CPB1: variants seen among roughly 807,000 people sequenced by gnomAD.
The protein encoded by CPB1 is carboxypeptidase B1.
In CPB1, 53 loss-of-function variants were observed where a neutral mutation model predicts 51.4. That is an observed-to-expected ratio of 1.03 (90% CI 0.83 to 1.30). The LOEUF (loss-of-function observed/expected upper bound fraction) is 1.30, where lower values mean the gene tolerates loss of function less well. Ranked by LOEUF, CPB1 falls within the 50% of genes most tolerant of loss-of-function variation. CPB1 has a pLI of 0.00. For missense variants in CPB1, 494 were observed against 516.2 expected (o/e 0.96, Z 0.42); for synonymous variants, 189 against 186.9 (o/e 1.01, Z -0.09).
intron 6 of CPB1, among the ~76,000 whole-genome samples, chr3:148,844,079 C>T (rs150827061): frequency 6.4e-4 from 97 of 152,274 alleles, no homozygotes; most frequent in Non-Finnish European, 1.2e-3. Flanking sequence ...TCCACAGACA[C>T]GTCTTACTTA....
chr3:148,831,661 C>A (rs1712741660), intron 2 of CPB1, among the ~76,000 whole-genome samples: 1 of 152,104 alleles, frequency 6.6e-6, no homozygotes, highest in South Asian at 2.1e-4. Flanking sequence ...ATAATGCTAT[C>A]ATTTAAAGAT....
rs1170513505 is a variant in CPB1 at position 148,857,308 on chromosome 3, T to C, written c.982-149T>C. ...ACTTGGATCATATCACTAGGTTAAG[T>C]AGAAAAATGAAAATGGGTCCTGAAT... On this transcript the variant is annotated intron_variant, in intron 9 of 10. Coordinates refer to ENST00000282957, the MANE Select transcript of CPB1 (RefSeq NM_001871.3). 5 of 592,428 alleles carry C rather than the reference T, an allele frequency of 8.4e-6. No homozygotes were observed. The Admixed American group carries it at 9.0e-5, about 11-fold the overall frequency. 36.7% of individuals were successfully genotyped at this position (592,428 alleles called of 1,614,324 possible).
chr3:148,839,037 G>T (rs1434022644), intron 3 of CPB1, among the ~76,000 whole-genome samples: 1 of 152,080 alleles, frequency 6.6e-6, no homozygotes, highest in African/African-American at 2.4e-5. Context: ...AGGAATTTAG[G>T]TTATAGATGG....
intron 2 of CPB1, 43 bp from the exon 3 acceptor site, chr3:148,834,455 C>G: frequency 6.4e-7 from 1 of 1,567,598 alleles, no homozygotes; most frequent in Non-Finnish European, 8.8e-7. Flanking sequence ...TATCCTTCAT[C>G]CATTGAATTA....
At chr3:148,844,351 A>T in intron 6 of CPB1, 127 bp from the exon 7 acceptor site, 1 of 599,008 alleles carries the variant, frequency 1.7e-6, no homozygotes, top group Non-Finnish European at 2.9e-6. Flanking sequence ...TTTAAATATT[A>T]ATATTGTCCA....
At chr3:148,857,692 A>AAC in intron 10 of CPB1, 151 bp downstream of exon 10, 4 of 508,660 alleles carry the variant, frequency 7.9e-6, no homozygotes, top group African/African-American at 1.9e-5. Flanking sequence ...TTCTGTTCAA[A>AAC]AAAAAAAAAA....
At chr3:148,851,295 A>G (rs1989727) in intron 9 of CPB1, 1 of 140,088 alleles carries the variant, frequency 7.1e-6, no homozygotes, top group Non-Finnish European at 1.5e-5. Context: ...AGATCATGCC[A>G]CTGCACTCCA....
At position 148,836,706 on chromosome 3, in the gene CPB1, G is replaced by A. The variant is rs1712916325; in HGVS notation, c.272+2084G>A. Among the ~76,000 whole-genome samples the A allele has an allele frequency of 2.0e-5, 3 of 152,212 alleles. No individual in the cohort carries two copies. In the South Asian group the frequency reaches 6.2e-4, roughly 32 times the overall value. On this transcript the variant is annotated intron_variant, in intron 3 of 10. Transcript: ENST00000282957. ...CTGTTCACTGCTTAGCACATTTGTAGCATATAATTTTCTAAATATTAAATA... is the reference window on the plus strand; with the variant it reads ...CTGTTCACTGCTTAGCACATTTGTAACATATAATTTTCTAAATATTAAATA...
intron 10 of CPB1, 49 bp from the exon 11 acceptor site, chr3:148,859,766 C>T (rs1713694934): frequency 1.3e-6 from 2 of 1,519,924 alleles, no homozygotes; most frequent in Admixed American, 2.0e-5. Flanking sequence ...TTTTTTAAAG[C>T]TCCTTCCTAG....
At chr3:148,857,420 T>G in intron 9 of CPB1, 37 bp from the exon 10 acceptor site, 1 of 1,527,502 alleles carries the variant, frequency 6.5e-7, no homozygotes, top group Non-Finnish European at 9.1e-7. Context: ...CAGTGTGCTT[T>G]TATTTATTTC....
At chr3:148,844,442 T>C in intron 6 of CPB1, 36 bp from the exon 7 acceptor site, 2 of 1,505,724 alleles carry the variant, frequency 1.3e-6, no homozygotes, top group Non-Finnish European at 1.8e-6. Flanking sequence ...ATAATTCCAT[T>C]TTTCCATGAA....
Position 148,859,812 on chromosome 3 carries a change from CA to C in CPB1, c.1067-2del. 6.2e-7 allele frequency: 1 copy of C among 1,611,042 alleles called. No individual in the cohort carries two copies. The highest frequency in any genetic ancestry group is 1.1e-5 in the South Asian group (1 of 90,484). On this transcript the variant is annotated splice_acceptor_variant, in intron 10 of 10. Transcript: ENST00000282957. LOFTEE classifies it high-confidence loss of function. Reference sequence around the variant, plus strand: ...TTTTTTCACTGCTGTTTGCACATTTCAGATCCTGCTGCTGGGGGCTCTGACG... The same window carrying C: ...TTTTTTCACTGCTGTTTGCACATTTCGATCCTGCTGCTGGGGGCTCTGACG...
intron 9 of CPB1, among the ~76,000 whole-genome samples, chr3:148,852,823 C>T (rs1455758293): frequency 1.3e-5 from 2 of 152,200 alleles, no homozygotes; most frequent in Non-Finnish European, 2.9e-5. Flanking sequence ...TTCCCACACT[C>T]CCCGTGGGCT....
rs1385315731 is a variant in CPB1 at position 148,832,337 on chromosome 3, TG to T, written c.148-2159del. On this transcript the variant is annotated intron_variant, in intron 2 of 10. Transcript: ENST00000282957. Reference sequence around the variant, plus strand: ...TATAAGCAATTAAGCTGTTCTGAAGTGGCACTAGATATACACAAGGTTCTGC... The same window carrying T: ...TATAAGCAATTAAGCTGTTCTGAAGTGCACTAGATATACACAAGGTTCTGC... Among the ~76,000 whole-genome samples the T allele has an allele frequency of 1.3e-4, 20 of 151,954 alleles. No individual in the cohort carries two copies. The South Asian group carries it at 1.5e-3, about 11-fold the overall frequency.
At chr3:148,846,499 A>T (rs1374162677) in intron 9 of CPB1, among the ~76,000 whole-genome samples, 3 of 151,752 alleles carry the variant, frequency 2.0e-5, no homozygotes, top group Non-Finnish European at 2.9e-5. Context: ...GGCTTACCTA[A>T]ATGCATAAAT....
Position 148,827,841 on chromosome 3 carries a change from T to C in CPB1, c.18T>C (p.Val6=), listed in dbSNP as rs1712616185. 1.2e-6 allele frequency: 2 copies of C among 1,614,070 alleles called. No homozygotes were observed. Among genetic ancestry groups the C allele is most frequent in the Non-Finnish European group, 1.7e-6 (2 of 1,180,034 alleles). ...CAGACACAATGTTGGCACTCTTGGT[T>C]CTGGTGACTGTGGCCCTGGCATCTG... MLALL[V]LVTVALASAH... Residue 6 remains valine, a synonymous_variant, in exon 1 of 11, where the codon GTT becomes GTC. Transcript: ENST00000282957.
chr3:148,847,922 C>T (rs377335327), intron 9 of CPB1, among the ~76,000 whole-genome samples: 1 of 152,040 alleles, frequency 6.6e-6, no homozygotes, highest in Non-Finnish European at 1.5e-5. Context: ...CAATAATTTT[C>T]TCTATTGATT....
At chr3:148,857,199 C>A in intron 9 of CPB1, 1 of 267,898 alleles carries the variant, frequency 3.7e-6, no homozygotes, top group East Asian at 7.4e-5. Flanking sequence ...TTTTCTGTTA[C>A]AAACTCTTAC....
Position 148,840,898 on chromosome 3 carries a change from G to T in CPB1, c.397G>T (p.Ala133Ser). The T allele has an allele frequency of 1.2e-6, 2 of 1,614,018 alleles. No individual in the cohort carries two copies. The highest frequency in any genetic ancestry group is 1.7e-6 in the Non-Finnish European group (2 of 1,179,978). The change falls in exon 5 of 11, where the codon GCC becomes TCC. Residue 133 changes from alanine to serine, a missense_variant. Physicochemically the swap from Ala to Ser is moderately conservative, Grantham distance 99. Transcript: ENST00000282957. ...GATAGAGGCTTGGACTCAACAAGTC[G>T]CCACTGAGAATCCAGCCCTCATCTC... ...ETIEAWTQQVATENPALISRS... is the reference protein window; with the variant it reads ...ETIEAWTQQVSTENPALISRS...
Sources: allele counts gnomAD v4.1 joint callset (sites outside exome capture counted in the v4.1 genomes callset), GRCh38; gene constraint gnomAD v4.1.1; transcripts MANE v1.5; gene names NCBI Gene and HGNC (gene_info 2026-07-23, HGNC 2026-07-21).